The following TPTE2 variants were observed in gnomAD, a reference collection of about 807,000 sequenced individuals.
TPTE2 encodes the protein phosphatidylinositol 3,4,5-trisphosphate 3-phosphatase TPTE2.
A neutral mutation model predicts 78.6 loss-of-function variants in TPTE2; 53 were observed. The observed-to-expected ratio is 0.67, with a 90% CI of 0.54 to 0.85. TPTE2 has a LOEUF of 0.85. Ranked by LOEUF, TPTE2 falls within the 40% of genes least tolerant of loss-of-function variation. The probability of loss-of-function intolerance (pLI) is 0.00; values close to 1 mark genes in which losing one functional copy is unlikely to be tolerated. For missense variants in TPTE2, 461 were observed against 623.0 expected (o/e 0.74, Z 2.77); for synonymous variants, 175 against 206.2 (o/e 0.85, Z 1.30).
chr13:19,549,127 A>AG, the TPTE2 span, among the ~76,000 whole-genome samples: 1 of 151,608 alleles, frequency 6.6e-6, no homozygotes, highest in East Asian at 1.9e-4. Flanking sequence ...CTCAAAAAAA[A>AG]AAAAAGCAAC....
intron 10 of TPTE2, among the ~76,000 whole-genome samples, chr13:19,455,898 G>T (rs1324056579): frequency 6.6e-6 from 1 of 151,994 alleles, no homozygotes; most frequent in East Asian, 1.9e-4. Flanking sequence ...TCTTAATCTA[G>T]TAAAGAATGA....
At chr13:19,551,805 A>G in the TPTE2 span, among the ~76,000 whole-genome samples, 4 of 152,184 alleles carry the variant, frequency 2.6e-5, no homozygotes, top group Admixed American at 2.6e-4. Flanking sequence ...CCACAACATT[A>G]TAAAGGTTAA....
At chr13:19,472,045 T>C (rs1879651334) in intron 6 of TPTE2, among the ~76,000 whole-genome samples, 1 of 152,364 alleles carries the variant, frequency 6.6e-6, no homozygotes, top group Non-Finnish European at 1.5e-5. Context: ...CCAGATATAT[T>C]GTAGCTCCAT....
At chr13:19,560,740 AG>A in the TPTE2 span, 1 of 1,471,392 alleles carries the variant, frequency 6.8e-7, no homozygotes, top group Non-Finnish European at 9.4e-7. Context: ...AGCGACTGCC[AG>A]GGGCCCAGCA....
At chr13:19,493,722 C>G (rs1247910501) in intron 1 of TPTE2, 8 of 586,420 alleles carry the variant, frequency 1.4e-5, no homozygotes, top group Non-Finnish European at 2.5e-5. Context: ...TAATGCTTCC[C>G]GATTTAAGTA....
At chr13:19,536,890 T>A (rs904025281), upstream of TPTE2, 1 of 151,140 alleles carries the variant, frequency 6.6e-6, no homozygotes, top group Non-Finnish European at 1.5e-5. Flanking sequence ...ATATACACAA[T>A]TATTTATATA....
chr13:19,459,672 T>C (rs1593369503), intron 10 of TPTE2, among the ~76,000 whole-genome samples: 2 of 152,160 alleles, frequency 1.3e-5, no homozygotes, highest in East Asian at 1.9e-4. Flanking sequence ...GCTCTGTCCA[T>C]AGAACCGTTG....
chr13:19,503,124 G>T, intron 1 of TPTE2, 100 bp downstream of exon 4: 2 of 1,526,404 alleles, frequency 1.3e-6, no homozygotes, highest in Non-Finnish European at 1.8e-6. Flanking sequence ...TGGATGCATG[G>T]ATGCATGGAT....
intron 3 of TPTE2, among the ~76,000 whole-genome samples, chr13:19,490,740 T>C (rs1174437573): frequency 2.6e-5 from 4 of 152,236 alleles, no homozygotes; most frequent in Admixed American, 2.6e-4. Context: ...GGTTTACCTT[T>C]GGGGCAGTAG....
intron 13 of TPTE2, among the ~76,000 whole-genome samples, chr13:19,440,916 A>G (rs1233197953): frequency 2.6e-5 from 4 of 151,844 alleles, no homozygotes; most frequent in African/African-American, 9.7e-5. Flanking sequence ...GTGAAACCCT[A>G]TCTCTACTAA....
intron 4 of TPTE2, among the ~76,000 whole-genome samples, chr13:19,479,340 C>G (rs559251119): frequency 6.6e-6 from 1 of 151,786 alleles, no homozygotes; most frequent in Non-Finnish European, 1.5e-5. Flanking sequence ...AGGTACATCT[C>G]GATATTGATG....
chr13:19,551,158 C>G, the TPTE2 span, among the ~76,000 whole-genome samples: 1 of 152,122 alleles, frequency 6.6e-6, no homozygotes, highest in Non-Finnish European at 1.5e-5. Flanking sequence ...AGAGCTGGTA[C>G]CCAGGTTGGT....
upstream of TPTE2, among the ~76,000 whole-genome samples, chr13:19,540,949 C>T (rs1462683502): frequency 6.6e-6 from 1 of 152,140 alleles, no homozygotes; most frequent in African/African-American, 2.4e-5. Context: ...TTAAAACATG[C>T]ACTTATTTTC....
intron 13 of TPTE2, among the ~76,000 whole-genome samples, chr13:19,438,997 G>T (rs976122986): frequency 2.2e-4 from 34 of 152,256 alleles, no homozygotes; most frequent in African/African-American, 7.0e-4. Context: ...CTCATTTGAG[G>T]AGAGACTTGG....
chr13:19,472,192 T>C (rs1166781479), intron 6 of TPTE2, among the ~76,000 whole-genome samples: 2 of 152,178 alleles, frequency 1.3e-5, no homozygotes, highest in African/African-American at 4.8e-5. Flanking sequence ...AACTTTCTTG[T>C]ACTTGGATAT....
chr13:19,519,095 T>C (rs1869986537), intron 1 of TPTE2, among the ~76,000 whole-genome samples: 1 of 152,132 alleles, frequency 6.6e-6, no homozygotes, highest in Non-Finnish European at 1.5e-5. Context: ...GAAAATTTCC[T>C]CAGGCTCTTT....
exon 1 of TPTE2, chr13:19,536,719 A>C (rs968323320): frequency 1.3e-5 from 2 of 152,074 alleles, no homozygotes; most frequent in Admixed American, 6.6e-5. Context: ...TCAGTTCTCC[A>C]GGTCTTGGGC....
chr13:19,479,029 G>A (rs1386274112), intron 4 of TPTE2, among the ~76,000 whole-genome samples: 4 of 152,076 alleles, frequency 2.6e-5, no homozygotes, highest in Non-Finnish European at 5.9e-5. Flanking sequence ...GGATTGGGGA[G>A]GGATAGCATT....
chr13:19,442,599 G>C (rs1877568469), intron 13 of TPTE2, among the ~76,000 whole-genome samples: 1 of 151,472 alleles, frequency 6.6e-6, no homozygotes, highest in Non-Finnish European at 1.5e-5. Flanking sequence ...GTAAAAAATA[G>C]AGACCACCAA....
Sources: gnomAD v4.1 joint callset for allele counts (sites outside exome capture counted in the v4.1 genomes callset) on GRCh38, gnomAD v4.1.1 for gene constraint, MANE v1.5 for transcripts, NCBI Gene and HGNC (gene_info 2026-07-23, HGNC 2026-07-21) for gene names.